The following MTMR1 variants were observed in gnomAD, a reference collection of about 807,000 sequenced individuals.
MTMR1 encodes myotubularin related protein 1, also known as phosphatidylinositol-3-phosphate phosphatase MTMR1.
Under a neutral mutation model 51.6 loss-of-function variants are expected in MTMR1, and 17 were observed. That is an observed-to-expected ratio of 0.33 (90% CI 0.23 to 0.49). MTMR1 has a LOEUF of 0.49. Ranked by LOEUF, MTMR1 falls within the 20% of genes least tolerant of loss-of-function variation. The pLI is 0.99. For synonymous variants in MTMR1, 201 were observed against 205.6 expected (o/e 0.98, Z 0.19); for missense variants, 386 against 526.9 (o/e 0.73, Z 2.62).
chrX:150,750,013 A>G (rs2042680584), intron 13 of MTMR1, among the ~76,000 whole-genome samples: 1 of 110,708 alleles, frequency 9.0e-6, no homozygotes, highest in Admixed American at 9.6e-5. Context: ...GCTACTCAGG[A>G]GGCTGAGGCA....
At chrX:150,757,223 A>T (rs139555371) in intron 15 of MTMR1, among the ~76,000 whole-genome samples, 49 of 111,809 alleles carry the variant, frequency 4.4e-4, no homozygotes, top group African/African-American at 1.5e-3. Context: ...TCACTATAGT[A>T]CCCCGGCCTG....
intron 10 of MTMR1, among the ~76,000 whole-genome samples, chrX:150,735,007 A>G (rs2042223852): frequency 8.9e-6 from 1 of 112,255 alleles, no homozygotes; most frequent in South Asian, 3.7e-4. Context: ...TAGTGTCCGT[A>G]TAAGAAAGCC....
chrX:150,713,488 A>C (rs6627325), intron 3 of MTMR1, among the ~76,000 whole-genome samples: 29,504 of 110,914 alleles, frequency 0.27, 3,126 homozygotes, highest in South Asian at 0.51. Flanking sequence ...GGAAATAGTA[A>C]ATTCTTTTAA....
intron 15 of MTMR1, among the ~76,000 whole-genome samples, chrX:150,756,532 C>T (rs1320262877): frequency 9.0e-6 from 1 of 111,729 alleles, no homozygotes; most frequent in Non-Finnish European, 1.9e-5. Context: ...AGTCCTGCCC[C>T]GCACCCCCAG....
At chrX:150,750,607 TCA>T in intron 13 of MTMR1, 121 bp from the exon 14 acceptor site, 1 of 448,635 alleles carries the variant, frequency 2.2e-6, no homozygotes. Context: ...TTACATGGGC[TCA>T]GTCTTCCTTT....
In MTMR1 at chrX:150,713,654, A is replaced by G. The variant is rs1557416296; in HGVS notation, c.276+1289A>G. 7.2e-5 allele frequency among the ~76,000 whole-genome samples: 8 copies of G among 111,603 alleles called. 1 individual carries two copies. Among genetic ancestry groups the G allele is most frequent in the Non-Finnish European group, 1.9e-5 (1 of 53,092 alleles). ...AAGAGATTACAATCTTGTCATCTTC[A>G]GTATTCATATTCTTTTTTACCAGCT... On this transcript the variant is annotated intron_variant, in intron 3 of 15. Coordinates refer to ENST00000445323, the MANE Select transcript of MTMR1 (RefSeq NM_001306144.3).
Position 150,694,786 on chromosome X carries a change from T to G in MTMR1, c.146+1110T>G, listed in dbSNP as rs181544588. ...CACGAGGTCTGGGCGATTCAGAGAA[T>G]AGCACAACACGGCTTTTGCTGCCTT... On this transcript the variant is annotated intron_variant, in intron 1 of 15. Coordinates refer to ENST00000445323, the MANE Select transcript of MTMR1 (RefSeq NM_001306144.3). 1.1e-3 allele frequency among the ~76,000 whole-genome samples: 121 copies of G among 112,470 alleles called. 1 individual carries two copies. The highest frequency in any genetic ancestry group is 3.7e-3 in the African/African-American group (115 of 30,940).
intron 10 of MTMR1, chrX:150,735,789 A>G (rs1379611289): frequency 1.9e-5 from 5 of 259,564 alleles, no homozygotes; most frequent in Non-Finnish European, 3.4e-5. Flanking sequence ...AACACTTAAA[A>G]TCTACTCTCA....
intron 3 of MTMR1, among the ~76,000 whole-genome samples, chrX:150,717,992 G>A (rs903140656): frequency 6.0e-4 from 68 of 112,726 alleles, no homozygotes; most frequent in African/African-American, 2.2e-3. Context: ...CCTGGATTGG[G>A]TGAACACTGA....
intron 8 of MTMR1, 147 bp downstream of exon 8, chrX:150,730,755 C>A (rs1203932270): frequency 3.3e-6 from 1 of 304,901 alleles, no homozygotes; most frequent in African/African-American, 2.7e-5. Flanking sequence ...CTCCATCTTT[C>A]CTTGATTCTC....
At position 150,717,815 on chromosome X, in the gene MTMR1, T is replaced by C. The variant is rs144476431; in HGVS notation, c.277-810T>C. On this transcript the variant is annotated intron_variant, in intron 3 of 15. Coordinates refer to ENST00000445323, the MANE Select transcript of MTMR1 (RefSeq NM_001306144.3). ...CTGGCCATCTAAGGTATCCTTTTCC[T>C]AGCATCATTGTAGCCAGGAAACCTA... is the stretch of plus-strand genomic sequence containing the variant. 4.3e-3 allele frequency among the ~76,000 whole-genome samples: 487 copies of C among 112,816 alleles called. 1 individual carries two copies. The highest frequency in any genetic ancestry group is 0.015 in the African/African-American group (462 of 31,050).
intron 2 of MTMR1, among the ~76,000 whole-genome samples, chrX:150,705,123 A>G (rs782713481): frequency 8.9e-6 from 1 of 112,569 alleles, no homozygotes; most frequent in Non-Finnish European, 1.9e-5. Flanking sequence ...CAACACCATA[A>G]TAGAGAGGAC....
chrX:150,723,732 C>A (rs1557416661), intron 4 of MTMR1, among the ~76,000 whole-genome samples: 1 of 111,896 alleles, frequency 8.9e-6, no homozygotes, highest in African/African-American at 3.3e-5. Flanking sequence ...CTCCTCCCAA[C>A]CTTCACCTTC....
chrX:150,759,411 G>C (rs1416609814), intron 15 of MTMR1, among the ~76,000 whole-genome samples: 37 of 109,532 alleles, frequency 3.4e-4, no homozygotes, highest in African/African-American at 1.2e-3. Flanking sequence ...CGGGTGGTTG[G>C]TGGAGTGTCA....
At chrX:150,750,310 G>A (rs1159884321) in intron 13 of MTMR1, among the ~76,000 whole-genome samples, 1 of 112,129 alleles carries the variant, frequency 8.9e-6, no homozygotes, top group Non-Finnish European at 1.9e-5. Flanking sequence ...TGGCTGCAGC[G>A]GGGAAGCTGG....
rs1376263828 is a variant in MTMR1 at position 150,750,858 on chromosome X, T to A, written c.1680+15T>A. The A allele has an allele frequency of 8.8e-7, 1 of 1,142,530 alleles. No individual in the cohort carries two copies. Among genetic ancestry groups the A allele is most frequent in the Admixed American group, 2.2e-5 (1 of 44,540 alleles). The allele number at this position is 1,142,530 out of a possible 1,213,427, so 94.2% of individuals were successfully genotyped here. On this transcript the variant is annotated intron_variant, in intron 14 of 15. Coordinates refer to ENST00000445323, the MANE Select transcript of MTMR1 (RefSeq NM_001306144.3). ...GATTCAAAGAGGTGAGTATGCTGCA[T>A]CCTTGTCTGTTGCTTTCCCTGTGGC...
At chrX:150,693,278 T>C (rs1304941088), upstream of MTMR1, 1 of 163,866 alleles carries the variant, frequency 6.1e-6, no homozygotes, top group Admixed American at 9.3e-5. Context: ...AGCGCCCAGG[T>C]GGGGCTGGGC....
At chrX:150,751,824 C>T (rs187713980) in intron 14 of MTMR1, among the ~76,000 whole-genome samples, 202 of 110,275 alleles carry the variant, frequency 1.8e-3, no homozygotes, top group African/African-American at 6.5e-3. Context: ...CCACCTTCCA[C>T]TCCTCCCTCA....
intron 13 of MTMR1, among the ~76,000 whole-genome samples, chrX:150,747,417 T>G (rs2042604907): frequency 9.0e-6 from 1 of 111,465 alleles, no homozygotes; most frequent in African/African-American, 3.3e-5. Context: ...ATTGTACCAG[T>G]GCACTCCAGC....
Sources: allele counts gnomAD v4.1 joint callset (sites outside exome capture counted in the v4.1 genomes callset), GRCh38; gene constraint gnomAD v4.1.1; transcripts MANE v1.5; gene names NCBI Gene and HGNC (gene_info 2026-07-23, HGNC 2026-07-21).